Variants in DCAF13 observed in about 807,000 individuals in gnomAD.
DCAF13 encodes the protein DDB1 and CUL4 associated factor 13.
A neutral mutation model predicts 59.0 loss-of-function variants in DCAF13; 38 were observed. The ratio of observed to expected loss-of-function variants is 0.64; its 90% confidence interval spans 0.50 to 0.84. The LOEUF is 0.84. DCAF13 is among the 40% of genes least tolerant of loss of function. DCAF13 has a pLI of 0.00. For synonymous variants in DCAF13, 173 were observed against 175.0 expected, an observed-to-expected ratio of 0.99 and a Z score of 0.09; for missense variants, 469 against 558.4, an observed-to-expected ratio of 0.84 and a Z score of 1.61.
chr8:103,441,343 T>A, intron 9 of DCAF13, 112 bp from the exon 10 acceptor site: 1 of 896,140 alleles, frequency 1.1e-6, no homozygotes, highest in South Asian at 1.8e-5. Context: ...TTGGCAATTT[T>A]GGTTGCATAT....
chr8:103,417,118 C>T (rs966216978), intron 1 of DCAF13, among the ~76,000 whole-genome samples: 2 of 152,148 alleles, frequency 1.3e-5, no homozygotes, highest in African/African-American at 4.8e-5. Flanking sequence ...GAACCAGTCC[C>T]ACTCTTTAAG....
intron 1 of DCAF13, among the ~76,000 whole-genome samples, chr8:103,416,690 T>G (rs767980913): frequency 5.3e-5 from 8 of 152,196 alleles, no homozygotes; most frequent in Non-Finnish European, 1.0e-4. Context: ...ATTATTATTT[T>G]GGTTAATAGT....
At chr8:103,441,717 G>C in intron 10 of DCAF13, 99 bp downstream of exon 10, 1 of 1,130,676 alleles carries the variant, frequency 8.8e-7, no homozygotes, top group Non-Finnish European at 1.3e-6. Context: ...TAGTTTATGT[G>C]CTATTATTTA....
At chr8:103,432,835 A>G in intron 7 of DCAF13, 94 bp downstream of exon 7, 2 of 717,940 alleles carry the variant, frequency 2.8e-6, no homozygotes, top group Admixed American at 2.4e-5. Flanking sequence ...CTAGGTAGGT[A>G]TACCTATAAA....
chr8:103,431,600 C>T (rs993524029), intron 6 of DCAF13, among the ~76,000 whole-genome samples: 34 of 152,246 alleles, frequency 2.2e-4, no homozygotes, highest in African/African-American at 7.7e-4. Context: ...GAACTTTGGT[C>T]TTAGACTTTT....
chr8:103,415,489 C>T lies in DCAF13; in HGVS notation c.43C>T (p.Arg15Cys). 1.9e-6 allele frequency: 3 copies of T among 1,612,418 alleles called. No individual in the cohort carries two copies. The highest frequency in any genetic ancestry group is 1.3e-5 in the African/African-American group (1 of 74,988). ...MLSRNPDNYV[R>C]ETKLDLQRVP... ...GAGCCGGAATCCGGACAATTATGTC[C>T]GCGAAACCAAGTTGGACTTACAGAG... is the stretch of plus-strand genomic sequence containing the variant. The change falls in exon 1 of 11, where the codon CGC becomes TGC. Residue 15 changes from arginine (R) to cysteine (C), a missense_variant. By Grantham distance (180) the Arg-to-Cys change is radical (BLOSUM62 -3). Around this residue, in one of 3 missense-constraint regions of DCAF13, gnomAD observed 355 missense variants for 399.1 expected, o/e 0.89. Coordinates refer to ENST00000612750, the MANE Select transcript of DCAF13 (RefSeq NM_015420.7).
At chr8:103,426,166 A>G (rs770598143) in intron 4 of DCAF13, 21 bp downstream of exon 4, 1 of 1,408,048 alleles carries the variant, frequency 7.1e-7, no homozygotes, top group Non-Finnish European at 9.9e-7. Flanking sequence ...AAATTGACTA[A>G]TAGCTTGCCT....
intron 3 of DCAF13, among the ~76,000 whole-genome samples, chr8:103,424,065 T>A (rs1033546317): frequency 6.6e-6 from 1 of 151,932 alleles, no homozygotes; most frequent in Non-Finnish European, 1.5e-5. Flanking sequence ...GTCGCCCAGG[T>A]TGGAGTGCAG....
At chr8:103,433,445 A>C (rs570728140) in intron 7 of DCAF13, among the ~76,000 whole-genome samples, 2 of 152,072 alleles carry the variant, frequency 1.3e-5, no homozygotes, top group African/African-American at 4.8e-5. Flanking sequence ...TTTTTTTCCC[A>C]AAGCATTTAT....
At chr8:103,436,724 AT>A (rs767487448) in intron 8 of DCAF13, among the ~76,000 whole-genome samples, 1 of 152,176 alleles carries the variant, frequency 6.6e-6, no homozygotes, top group Non-Finnish European at 1.5e-5. Context: ...AGCCCCCTGT[AT>A]AGTGAATTAT....
At chr8:103,420,228 A>C in intron 1 of DCAF13, 36 bp from the exon 2 acceptor site, 1 of 1,578,606 alleles carries the variant, frequency 6.3e-7, no homozygotes, top group South Asian at 1.1e-5. Context: ...GGAAATATTA[A>C]GTGTGAATTA....
intron 8 of DCAF13, 113 bp downstream of exon 8, chr8:103,435,903 C>A: frequency 9.1e-7 from 1 of 1,102,548 alleles, no homozygotes; most frequent in Non-Finnish European, 1.3e-6. Context: ...CATCAGAGTG[C>A]ACTTAAACAA....
chr8:103,421,298 A>G lies in DCAF13; in HGVS notation c.378+216A>G, dbSNP rs578163618. On this transcript the variant is annotated intron_variant, in intron 3 of 10. Transcript: ENST00000612750. ...TGATTAAACTAATATTCAATTTACCACAAAAGTGGAATTAATGAGAGGTAA... is the reference window on the plus strand; with the variant it reads ...TGATTAAACTAATATTCAATTTACCGCAAAAGTGGAATTAATGAGAGGTAA... The G allele has an allele frequency of 3.7e-5, 24 of 648,006 alleles. No individual in the cohort carries two copies. In the African/African-American group the frequency reaches 4.1e-4, roughly 11 times the overall value. 40.1% of individuals were successfully genotyped at this position (648,006 alleles called of 1,614,324 possible). A position where few individuals can be genotyped will look rare whatever the true frequency, so the allele number is the denominator to read the frequency against.
intron 8 of DCAF13, among the ~76,000 whole-genome samples, chr8:103,438,841 T>G (rs1816966934): frequency 6.6e-6 from 1 of 152,164 alleles, no homozygotes; most frequent in South Asian, 2.1e-4. Flanking sequence ...TGCAGAAAAT[T>G]TATTTCTCCA....
At chr8:103,418,498 A>G (rs968784271) in intron 1 of DCAF13, among the ~76,000 whole-genome samples, 3 of 152,106 alleles carry the variant, frequency 2.0e-5, no homozygotes, top group Non-Finnish European at 2.9e-5. Context: ...ATATCACTGC[A>G]TTCCAGCTTG....
intron 6 of DCAF13, among the ~76,000 whole-genome samples, chr8:103,431,783 T>C (rs936523615): frequency 6.6e-6 from 1 of 152,148 alleles, no homozygotes; most frequent in Non-Finnish European, 1.5e-5. Flanking sequence ...CTAACACTCA[T>C]TCTGTTTTTT....
At chr8:103,420,149 T>C in intron 1 of DCAF13, 115 bp from the exon 2 acceptor site, 1 of 893,238 alleles carries the variant, frequency 1.1e-6, no homozygotes, top group Non-Finnish European at 1.7e-6. Context: ...TTCTTAGTGT[T>C]AGGCATAGAA....
intron 5 of DCAF13, chr8:103,429,756 ATTTTAAATGACAC>A (rs1336487147): frequency 6.6e-6 from 1 of 152,242 alleles, no homozygotes; most frequent in Non-Finnish European, 1.5e-5. Flanking sequence ...TCATACAGAT[ATTTTAAATGACAC>A]TTTTAAATGA....
At chr8:103,421,454 A>G (rs1400940450) in intron 3 of DCAF13, among the ~76,000 whole-genome samples, 3 of 152,154 alleles carry the variant, frequency 2.0e-5, no homozygotes, top group Non-Finnish European at 4.4e-5. Context: ...CGGAACGTAA[A>G]ATTTACTCTC....
Sources: allele counts gnomAD v4.1 joint callset (sites outside exome capture counted in the v4.1 genomes callset), GRCh38; gene constraint gnomAD v4.1.1; regional missense constraint gnomAD v4.1.1; transcripts MANE v1.5; gene names NCBI Gene and HGNC (gene_info 2026-07-23, HGNC 2026-07-21).